The following BAIAP2 variants were observed in gnomAD, a reference collection of about 807,000 sequenced individuals.
BAIAP2 encodes the protein BAR/IMD domain-containing adapter protein 2.
A neutral mutation model predicts 63.0 loss-of-function variants in BAIAP2; 18 were observed. The observed-to-expected ratio is 0.29, with a 90% CI of 0.20 to 0.42. BAIAP2 has a LOEUF of 0.42. Ranked by LOEUF, BAIAP2 falls within the 10% of genes least tolerant of loss-of-function variation. The probability of loss-of-function intolerance (pLI) is 1.00; values close to 1 mark genes in which losing one functional copy is unlikely to be tolerated. For missense variants in BAIAP2, 610 were observed against 734.3 expected (o/e 0.83, Z 1.96); for synonymous variants, 386 against 307.6 (o/e 1.25, Z -2.67).
chr17:81,037,578 G>A (rs1223478178), intron 1 of BAIAP2, among the ~76,000 whole-genome samples: 2 of 152,224 alleles, frequency 1.3e-5, no homozygotes, highest in African/African-American at 2.4e-5. Context: ...GTGCACTCCT[G>A]GGCCGGTCCA....
chr17:81,040,163 C>T (rs1196213488), intron 1 of BAIAP2, among the ~76,000 whole-genome samples: 1 of 152,228 alleles, frequency 6.6e-6, no homozygotes, highest in Non-Finnish European at 1.5e-5. Flanking sequence ...CCTGTCCTTC[C>T]TTACATTGAG....
intron 3 of BAIAP2, among the ~76,000 whole-genome samples, chr17:81,078,196 T>C (rs58757285): frequency 0.13 from 8,189 of 62,184 alleles, 745 homozygotes; most frequent in East Asian, 0.28. Context: ...GGGAGCCGGA[T>C]GCTGTGGGTG....
At chr17:81,105,174 G>C (rs9893327) in intron 10 of BAIAP2, 16 of 127,998 alleles carry the variant, frequency 1.3e-4, no homozygotes, top group South Asian at 8.1e-4. Context: ...CCCAATGGCA[G>C]GGGTCTCCCC....
chr17:81,105,891 C>A, intron 10 of BAIAP2, 187 bp from the exon 11 acceptor site: 1 of 571,904 alleles, frequency 1.7e-6, no homozygotes, highest in Non-Finnish European at 3.1e-6. Flanking sequence ...CCACCTTGCC[C>A]TTGAGGCTGA....
chr17:81,042,190 G>A (rs78336620), intron 1 of BAIAP2, among the ~76,000 whole-genome samples: 4,015 of 140,040 alleles, frequency 0.029, 184 homozygotes, highest in African/African-American at 0.1. Flanking sequence ...TTCCCAGCCC[G>A]GAAGGCAATG....
intron 7 of BAIAP2, among the ~76,000 whole-genome samples, chr17:81,101,108 C>T (rs1024488155): frequency 7.2e-5 from 11 of 152,110 alleles, no homozygotes; most frequent in Non-Finnish European, 1.5e-4. Context: ...AGTCCTGCGG[C>T]CCTGTGTCTC....
chr17:81,112,748 T>C (rs918593517), intron 13 of BAIAP2, among the ~76,000 whole-genome samples: 2 of 152,092 alleles, frequency 1.3e-5, no homozygotes, highest in African/African-American at 4.8e-5. Context: ...CACATTCAAG[T>C]CATTGGTGAA....
At chr17:81,113,958 CTTTTTTTTTTTTT>C (rs58758919) in intron 13 of BAIAP2, among the ~76,000 whole-genome samples, 1 of 83,170 alleles carries the variant, frequency 1.2e-5, no homozygotes, top group Non-Finnish European at 2.3e-5. Flanking sequence ...TGGGAACCCA[CTTTTTTTTTTTTT>C]TTTTTTTTTT....
Position 81,071,602 on chromosome 17 carries a change from G to T in BAIAP2, c.218-13230G>T, listed in dbSNP as rs1000124492. On this transcript the variant is annotated intron_variant, in intron 3 of 13. Transcript: ENST00000428708. ...GAAGCAACAGAAATATCCAGGAAAC[G>T]AGTGTTTCTGTGCCCTCAGTGTCCA... Among the ~76,000 whole-genome samples the T allele has an allele frequency of 2.0e-5, 3 of 152,258 alleles. No homozygotes were observed. In the East Asian group the frequency reaches 5.8e-4, roughly 29 times the overall value.
intron 2 of BAIAP2, 118 bp from the exon 3 acceptor site, chr17:81,057,763 A>G: frequency 7.0e-7 from 1 of 1,425,868 alleles, no homozygotes; most frequent in Non-Finnish European, 9.2e-7. Context: ...GTATTCTCCC[A>G]GCTTGTCTGG....
At chr17:81,108,636 C>G in intron 13 of BAIAP2, 127 bp downstream of exon 13, 1 of 1,263,236 alleles carries the variant, frequency 7.9e-7, no homozygotes, top group Non-Finnish European at 1.1e-6. Context: ...CCCTTCACCC[C>G]TGTCAGAGCC....
intron 1 of BAIAP2, among the ~76,000 whole-genome samples, chr17:81,047,677 C>T (rs1598508427): frequency 6.6e-6 from 1 of 150,542 alleles, no homozygotes; most frequent in Non-Finnish European, 1.5e-5. Flanking sequence ...CACACAGGTC[C>T]ATCTCATGCC....
chr17:81,071,301 G>A (rs1327874540), intron 3 of BAIAP2, among the ~76,000 whole-genome samples: 1 of 152,100 alleles, frequency 6.6e-6, no homozygotes, highest in East Asian at 1.9e-4. Flanking sequence ...TGGCCCCTGT[G>A]GGGGCTCTGA....
chr17:81,095,773 G>C (rs2145668253), intron 6 of BAIAP2, among the ~76,000 whole-genome samples: 1 of 152,218 alleles, frequency 6.6e-6, no homozygotes. Context: ...ACTTCCCCTG[G>C]GTTTCTCTTG....
intron 7 of BAIAP2, among the ~76,000 whole-genome samples, 177 bp from the exon 8 acceptor site, chr17:81,103,325 C>T (rs184442465): frequency 5.2e-4 from 79 of 152,374 alleles, no homozygotes; most frequent in African/African-American, 1.8e-3. Flanking sequence ...TTACCGGCAG[C>T]CGCTTCTGTG....
Position 81,116,286 on chromosome 17 carries a change from G to A in BAIAP2, c.*447G>A, listed in dbSNP as rs765205664. 5.9e-5 allele frequency: 95 copies of A among 1,612,728 alleles called. No individual in the cohort carries two copies. The East Asian group carries it at 1.1e-3, about 19-fold the overall frequency. On this transcript the variant is annotated 3_prime_UTR_variant, in exon 14 of 14. Transcript: ENST00000428708. ...CGGGAGCACGGGGATGGGAGCGCCC[G>A]CACCCTGGCTGGAAGATGAACTTCC... is the stretch of plus-strand genomic sequence containing the variant.
At chr17:81,052,788 G>T (rs1211100642) in intron 1 of BAIAP2, among the ~76,000 whole-genome samples, 1 of 152,192 alleles carries the variant, frequency 6.6e-6, no homozygotes, top group African/African-American at 2.4e-5. Flanking sequence ...GGGCTGGGTG[G>T]GTTGGGGCCC....
chr17:81,090,740 A>AGCTGCGGGGAG (rs1298566412), intron 6 of BAIAP2, among the ~76,000 whole-genome samples: 2 of 152,082 alleles, frequency 1.3e-5, no homozygotes, highest in African/African-American at 2.4e-5. Context: ...GCGCCCCCCG[A>AGCTGCGGGGAG]GCTGCGGGGA....
At chr17:81,099,706 T>C (rs1389275763) in intron 6 of BAIAP2, among the ~76,000 whole-genome samples, 1 of 151,912 alleles carries the variant, frequency 6.6e-6, no homozygotes, top group Non-Finnish European at 1.5e-5. Context: ...CAGGGAAGCC[T>C]TCTGGGGATG....
Sources: gnomAD v4.1 joint callset for allele counts (sites outside exome capture counted in the v4.1 genomes callset) on GRCh38, gnomAD v4.1.1 for gene constraint, MANE v1.5 for transcripts, NCBI Gene and HGNC (gene_info 2026-07-23, HGNC 2026-07-21) for gene names.